The following SPHKAP variants were observed in gnomAD, a reference collection of about 807,000 sequenced individuals.
SPHKAP encodes the protein A-kinase anchor protein SPHKAP.
A neutral mutation model predicts 137.5 loss-of-function variants in SPHKAP; 67 were observed. The observed-to-expected ratio is 0.49, with a 90% CI of 0.40 to 0.60. The LOEUF (loss-of-function observed/expected upper bound fraction) is 0.60. SPHKAP is among the 20% of genes least tolerant of loss of function. SPHKAP has a pLI of 0.00. For missense variants in SPHKAP, 2,097 were observed against 2,069.3 expected, an observed-to-expected ratio of 1.01 and a Z score of -0.26; for synonymous variants, 813 against 785.3, an observed-to-expected ratio of 1.04 and a Z score of -0.59.
Position 228,017,110 on chromosome 2 carries a change from C to T in SPHKAP, c.3744G>A (p.Arg1248=), listed in dbSNP as rs777313436. The change falls in exon 7 of 12, where the codon AGG becomes AGA. Residue 1248 remains arginine (R), a synonymous_variant. Transcript: ENST00000392056. ...CTTTGATGGGCACATTCACTGTCAGCCTGGAGCATGGGGATCTGCTGTCTG... is the reference window on the plus strand; with the variant it reads ...CTTTGATGGGCACATTCACTGTCAGTCTGGAGCATGGGGATCTGCTGTCTG... ...SMPDSRSPCS[R]LTVNVPIKAN... 4 of 1,614,064 alleles carry T rather than the reference C, an allele frequency of 2.5e-6. No individual in the cohort carries two copies. In the South Asian group the frequency reaches 4.4e-5, roughly 18 times the overall value.
intron 7 of SPHKAP, among the ~76,000 whole-genome samples, chr2:227,997,760 A>G (rs1693689481): frequency 6.6e-6 from 1 of 152,182 alleles, no homozygotes; most frequent in African/African-American, 2.4e-5. Context: ...AGGCTTCCTG[A>G]GTCACATTCT....
At position 228,017,018 on chromosome 2, in the gene SPHKAP, C is replaced by T. The variant is rs1254937036; in HGVS notation, c.3836G>A (p.Ser1279Asn). ...TTTGCAGAGACCGGATGAGGACGCG[C>T]TACTGACCGGCTGCACGCTTAGGAA... ...QDFLSVQPVS[S>N]ASSSGLCKSD... The change falls in exon 7 of 12, where the codon AGC becomes AAC. Residue 1279 changes from serine to asparagine, a missense_variant. Ser to Asn is a conservative substitution (Grantham distance 46). Transcript: ENST00000392056. 6.2e-7 allele frequency: 1 copy of T among 1,614,044 alleles called. No individual in the cohort carries two copies. The highest frequency in any genetic ancestry group is 2.2e-5 in the East Asian group (1 of 44,888).
chr2:227,993,948 G>T, intron 8 of SPHKAP: 1 of 668,656 alleles, frequency 1.5e-6, no homozygotes, highest in Non-Finnish European at 1.8e-6. Context: ...CTTCATTCTA[G>T]TTACGGTGAA....
intron 3 of SPHKAP, among the ~76,000 whole-genome samples, chr2:228,057,320 T>C (rs781139236): frequency 6.6e-6 from 1 of 152,172 alleles, no homozygotes; most frequent in Non-Finnish European, 1.5e-5. Flanking sequence ...TTGAGGATAG[T>C]AGGCAATAAA....
At chr2:228,154,506 C>CTATATATATATATA (rs1397617929) in intron 1 of SPHKAP, among the ~76,000 whole-genome samples, 19 of 29,896 alleles carry the variant, frequency 6.4e-4, no homozygotes, top group Non-Finnish European at 1.1e-3. Flanking sequence ...CTCTCTCTCT[C>CTATATATATATATA]TCTCTCTATA....
At chr2:228,014,929 T>A (rs1355492284) in intron 7 of SPHKAP, among the ~76,000 whole-genome samples, 16 of 152,180 alleles carry the variant, frequency 1.1e-4, no homozygotes, top group African/African-American at 3.4e-4. Context: ...ATTTTATTAT[T>A]ATTATCATAC....
At chr2:228,105,126 G>T (rs999975522) in intron 3 of SPHKAP, among the ~76,000 whole-genome samples, 3 of 152,068 alleles carry the variant, frequency 2.0e-5, no homozygotes, top group African/African-American at 7.2e-5. Context: ...GCACCACTAT[G>T]CCCAGCTAAG....
chr2:228,168,841 C>T (rs1700495683), intron 1 of SPHKAP, among the ~76,000 whole-genome samples: 1 of 152,094 alleles, frequency 6.6e-6, no homozygotes, highest in Non-Finnish European at 1.5e-5. Context: ...AGCAGTTAGC[C>T]ACATTGTGAA....
chr2:228,030,894 C>A (rs900802335), intron 3 of SPHKAP, among the ~76,000 whole-genome samples: 1 of 151,972 alleles, frequency 6.6e-6, no homozygotes, highest in Non-Finnish European at 1.5e-5. Flanking sequence ...ATATGTTTTA[C>A]GAGGGTGGAG....
intron 3 of SPHKAP, among the ~76,000 whole-genome samples, chr2:228,059,881 C>T (rs979151436): frequency 1.3e-5 from 2 of 152,198 alleles, no homozygotes; most frequent in African/African-American, 4.8e-5. Context: ...ATAAGCTTCA[C>T]AATTTATCGC....
rs569044468 is a variant in SPHKAP, at chr2:228,032,120, G to C, written c.247-4577C>G. Among the ~76,000 whole-genome samples the C allele has an allele frequency of 1.1e-4, 17 of 152,156 alleles. No homozygotes were observed. In the South Asian group the frequency reaches 3.5e-3, roughly 32 times the overall value. On this transcript the variant is annotated intron_variant, in intron 3 of 11. Coordinates refer to ENST00000392056, the MANE Select transcript of SPHKAP (RefSeq NM_001142644.2). Reference sequence around the variant, plus strand: ...GGAAATTCAAACCAATGGCAAAGAAGTTAAAAACTTTGAAAAAAAATTAGA... The same window carrying C: ...GGAAATTCAAACCAATGGCAAAGAACTTAAAAACTTTGAAAAAAAATTAGA...
At chr2:228,087,302 A>C (rs1427368698) in intron 3 of SPHKAP, among the ~76,000 whole-genome samples, 12 of 152,224 alleles carry the variant, frequency 7.9e-5, no homozygotes, top group Admixed American at 7.9e-4. Flanking sequence ...CAAGGCCTAG[A>C]GAGAACGGAA....
intron 1 of SPHKAP, among the ~76,000 whole-genome samples, chr2:228,133,458 C>T (rs1325442687): frequency 2.0e-5 from 3 of 152,024 alleles, no homozygotes; most frequent in Admixed American, 6.6e-5. Context: ...AAAAAATTAT[C>T]TAAATGTTAT....
chr2:228,122,151 C>T (rs569816354), intron 2 of SPHKAP, among the ~76,000 whole-genome samples: 1 of 151,948 alleles, frequency 6.6e-6, no homozygotes, highest in Admixed American at 6.6e-5. Flanking sequence ...ATTTAATACA[C>T]AATATATAAA....
chr2:228,054,007 A>G (rs1696352204), intron 3 of SPHKAP, among the ~76,000 whole-genome samples: 1 of 152,234 alleles, frequency 6.6e-6, no homozygotes, highest in Non-Finnish European at 1.5e-5. Flanking sequence ...ATTTCTTCAG[A>G]ATGTAATTCT....
intron 3 of SPHKAP, among the ~76,000 whole-genome samples, chr2:228,096,777 G>T (rs1249726002): frequency 6.6e-6 from 1 of 151,990 alleles, no homozygotes; most frequent in Non-Finnish European, 1.5e-5. Context: ...ATGTAAGTTT[G>T]CAAAGACAGA....
At chr2:228,131,674 T>C (rs956529773) in intron 2 of SPHKAP, 4 of 535,740 alleles carry the variant, frequency 7.5e-6, no homozygotes, top group Non-Finnish European at 9.5e-6. Context: ...TGCATGAACA[T>C]TTTTCTGAAA....
At chr2:228,154,639 C>T (rs1172657803) in intron 1 of SPHKAP, among the ~76,000 whole-genome samples, 3 of 141,148 alleles carry the variant, frequency 2.1e-5, no homozygotes, top group Non-Finnish European at 4.5e-5. Flanking sequence ...AGCTCTACCT[C>T]CCAGGTTCAC....
chr2:228,064,543 A>G (rs1696763147), intron 3 of SPHKAP, among the ~76,000 whole-genome samples: 1 of 152,232 alleles, frequency 6.6e-6, no homozygotes, highest in Non-Finnish European at 1.5e-5. Flanking sequence ...GCTGAGGATT[A>G]TATTTCTGGC....
Sources: allele counts gnomAD v4.1 joint callset (sites outside exome capture counted in the v4.1 genomes callset), GRCh38; gene constraint gnomAD v4.1.1; transcripts MANE v1.5; gene names NCBI Gene and HGNC (gene_info 2026-07-23, HGNC 2026-07-21).